ENO4: variants seen among roughly 807,000 people sequenced by gnomAD.
The protein encoded by ENO4 is 2-phospho-D-glycerate hydro-lyase.
ENO4 carries 53 observed loss-of-function variants against 63.2 expected under a neutral mutation model. That is an observed-to-expected ratio of 0.84 (90% CI 0.67 to 1.05). The LOEUF (loss-of-function observed/expected upper bound fraction) is 1.05, where lower values mean the gene tolerates loss of function less well. Among genes scored for constraint, ENO4 ranks in the 50% least tolerant of loss-of-function variants. The pLI is 0.00. For synonymous variants in ENO4, 266 were observed against 283.8 expected (o/e 0.94, Z 0.63); for missense variants, 719 against 772.0 (o/e 0.93, Z 0.81).
intron 10 of ENO4, among the ~76,000 whole-genome samples, chr10:116,890,750 G>A (rs1392190307): frequency 6.6e-6 from 1 of 152,222 alleles, no homozygotes; most frequent in Non-Finnish European, 1.5e-5. Context: ...GAGCAGGTGG[G>A]GCAACTTACT....
At position 116,860,797 on chromosome 10, in the gene ENO4, G is replaced by A. The variant is rs764723626; in HGVS notation, c.638G>A (p.Arg213Lys). The change falls in exon 5 of 14, where the codon AGG (arginine) becomes AAG (lysine). Residue 213 changes from arginine (R) to lysine (K), a missense_variant. Coordinates refer to ENST00000341276, the MANE Select transcript of ENO4 (RefSeq NM_001242699.2). Reference sequence around the variant, plus strand: ...CTCTCAATATTTCTCCCTCCAGGGAGGAAGGATACTATTACAGAGAAACCT... The same window carrying A: ...CTCTCAATATTTCTCCCTCCAGGGAAGAAGGATACTATTACAGAGAAACCT... ...PTKKKGQKPG[R>K]KDTITEKPIA... The A allele has an allele frequency of 6.7e-7, 1 of 1,488,036 alleles. No individual in the cohort carries two copies. Among genetic ancestry groups the A allele is most frequent in the South Asian group, 1.3e-5 (1 of 75,294 alleles). The allele number at this position is 1,488,036 out of a possible 1,614,324, so 92.2% of individuals were successfully genotyped here. A position where few individuals can be genotyped will look rare whatever the true frequency, so the allele number is the denominator to read the frequency against.
chr10:116,859,402 G>C (rs1380147075), intron 4 of ENO4, among the ~76,000 whole-genome samples: 1 of 151,942 alleles, frequency 6.6e-6, no homozygotes, highest in African/African-American at 2.4e-5. Flanking sequence ...TGCCAAATTG[G>C]GGGTAGAGTG....
At chr10:116,874,282 C>A in intron 10 of ENO4, 81 bp downstream of exon 10, 1 of 1,087,854 alleles carries the variant, frequency 9.2e-7, no homozygotes, top group Non-Finnish European at 1.3e-6. Flanking sequence ...TATTTTATAA[C>A]TCACCTTTTA....
At chr10:116,898,415 A>G (rs1011913930) in intron 10 of ENO4, among the ~76,000 whole-genome samples, 2 of 152,094 alleles carry the variant, frequency 1.3e-5, no homozygotes, top group African/African-American at 2.4e-5. Flanking sequence ...ATATCTTACT[A>G]TATTTTAACA....
intron 10 of ENO4, among the ~76,000 whole-genome samples, chr10:116,904,147 C>T (rs947837961): frequency 8.5e-5 from 13 of 152,278 alleles, no homozygotes; most frequent in South Asian, 4.1e-4. Flanking sequence ...TTTACTTTCC[C>T]AAAAGCCTTT....
chr10:116,865,378 G>C (rs531593498), intron 7 of ENO4, among the ~76,000 whole-genome samples: 4 of 152,086 alleles, frequency 2.6e-5, no homozygotes, highest in Admixed American at 6.5e-5. Flanking sequence ...GTAGAGACGG[G>C]GTTTCACTGT....
chr10:116,907,214 C>A (rs746801136), intron 10 of ENO4, among the ~76,000 whole-genome samples: 4 of 152,150 alleles, frequency 2.6e-5, no homozygotes, highest in Non-Finnish European at 2.9e-5. Context: ...TGGCTGCACA[C>A]CTGATGTCCG....
At chr10:116,906,485 T>C in intron 10 of ENO4, 7 of 730,028 alleles carry the variant, frequency 9.6e-6, no homozygotes, top group Non-Finnish European at 6.2e-6. Flanking sequence ...TAAATATCTT[T>C]ACCCATCCCA....
At position 116,879,412 on chromosome 10, in the gene ENO4, A is replaced by AT. The variant is rs1174311266; in HGVS notation, c.1605+57dup. 7 of 1,363,438 alleles carry AT rather than the reference A, an allele frequency of 5.1e-6. No individual in the cohort carries two copies. The African/African-American group carries it at 1.0e-4, about 20-fold the overall frequency. 84.5% of individuals were successfully genotyped at this position (1,363,438 alleles called of 1,614,324 possible). ...AACACTGCTTTTATCACGAATTGGT[A>AT]TTTCAGAGAAATGCAGTCTCTGGTG... On this transcript the variant is annotated intron_variant, in intron 12 of 13. Coordinates refer to ENST00000341276, the MANE Select transcript of ENO4 (RefSeq NM_001242699.2).
downstream of ENO4, chr10:116,911,882 CAGTTT>C: frequency 2.7e-6 from 4 of 1,469,764 alleles, no homozygotes; most frequent in Non-Finnish European, 3.8e-6. Flanking sequence ...CTGAGTAATT[CAGTTT>C]AAAAATACTA....
At chr10:116,853,045 C>T (rs1260104838) in intron 1 of ENO4, among the ~76,000 whole-genome samples, 1 of 152,096 alleles carries the variant, frequency 6.6e-6, no homozygotes, top group Non-Finnish European at 1.5e-5. Flanking sequence ...CCTGTAATCC[C>T]AGCACTTTGG....
At position 116,849,623 on chromosome 10, in the gene ENO4, G is replaced by A; in HGVS notation, c.57G>A (p.Leu19=). Residue 19 remains leucine, a synonymous_variant, in exon 1 of 14, where the codon CTG becomes CTA. Transcript: ENST00000341276. ...GGACCACTAGGGAGCTGCAGAAGCT[G>A]AAGCAGCAGGCGATGGAGTACTACC... is the stretch of plus-strand genomic sequence containing the variant. ...SCGTTRELQK[L]KQQAMEYYRE... is the part of the protein sequence containing the mutation. 3.2e-6 allele frequency: 5 copies of A among 1,550,264 alleles called. No individual in the cohort carries two copies. Among genetic ancestry groups the A allele is most frequent in the South Asian group, 1.2e-5 (1 of 84,030 alleles).
chr10:116,879,987 GTATGCGCTGCTTTCTTGCTTTGT>G lies in ENO4; in HGVS notation c.1723+3_1723+25del. The stretch of plus-strand genomic sequence containing the variant: ...GAACTTGTCCAGAATGGAACACTGG[GTATGCGCTGCTTTCTTGCTTTGT>G]TTCCACTTAGCCATGAATAAGAGAA... On this transcript the variant is annotated splice_donor_variant and splice_donor_5th_base_variant and intron_variant, in intron 13 of 13. Coordinates refer to ENST00000341276, the MANE Select transcript of ENO4 (RefSeq NM_001242699.2). LOFTEE classifies it high-confidence loss of function. 1 of 1,535,878 alleles carries G rather than the reference GTATGCGCTGCTTTCTTGCTTTGT, an allele frequency of 6.5e-7. No homozygotes were observed. Among genetic ancestry groups the G allele is most frequent in the Non-Finnish European group, 8.8e-7 (1 of 1,134,420 alleles).
At chr10:116,893,765 CTAAAT>C (rs1461091582) in intron 10 of ENO4, among the ~76,000 whole-genome samples, 1 of 152,122 alleles carries the variant, frequency 6.6e-6, no homozygotes, top group East Asian at 1.9e-4. Context: ...ATATGGCCAA[CTAAAT>C]TAATTTCCAG....
Position 116,874,130 on chromosome 10 carries a change from G to A in ENO4, c.1270G>A (p.Val424Ile). 1 of 1,550,066 alleles carries A rather than the reference G, an allele frequency of 6.5e-7. No homozygotes were observed. Among genetic ancestry groups the A allele is most frequent in the Admixed American group, 2.0e-5 (1 of 51,002 alleles). ...MGTYKNAAEMVDLYVDLINKY... is the reference protein window; with the variant it reads ...MGTYKNAAEMIDLYVDLINKY... ...CACATACAAAAATGCAGCGGAGATGGTTGACCTGTATGTGGATCTGATCAA... is the reference window on the plus strand; with the variant it reads ...CACATACAAAAATGCAGCGGAGATGATTGACCTGTATGTGGATCTGATCAA... Residue 424 changes from valine (V) to isoleucine (I), a missense_variant, in exon 10 of 14, where the codon GTT becomes ATT. Coordinates refer to ENST00000341276, the MANE Select transcript of ENO4 (RefSeq NM_001242699.2).
At chr10:116,861,248 T>G in intron 6 of ENO4, 58 bp downstream of exon 6, 1 of 407,352 alleles carries the variant, frequency 2.5e-6, no homozygotes, top group Non-Finnish European at 3.7e-6. Flanking sequence ...TATATATATA[T>G]ATATATATAC....
chr10:116,893,257 G>C (rs1847395756), intron 10 of ENO4, among the ~76,000 whole-genome samples: 1 of 151,956 alleles, frequency 6.6e-6, no homozygotes, highest in Non-Finnish European at 1.5e-5. Context: ...GAAGTGAAGG[G>C]ATCTCAACTT....
chr10:116,889,215 G>A (rs1847258209), intron 10 of ENO4, among the ~76,000 whole-genome samples: 1 of 152,166 alleles, frequency 6.6e-6, no homozygotes, highest in Non-Finnish European at 1.5e-5. Flanking sequence ...AAAATTTCCA[G>A]GAAGTGCTCT....
rs576825086 is a variant in ENO4, at chr10:116,868,403, C to T, written c.991-247C>T. Among the ~76,000 whole-genome samples, 6 of 152,284 alleles carry T rather than the reference C, an allele frequency of 3.9e-5. No homozygotes were observed. The South Asian group carries it at 1.2e-3, about 32-fold the overall frequency. On this transcript the variant is annotated intron_variant, in intron 7 of 13. Coordinates refer to ENST00000341276, the MANE Select transcript of ENO4 (RefSeq NM_001242699.2). ...CTGTACACACACCCCATATATGTGA[C>T]TGGGGGCAGAGGGTAAGGATGAACT...
Sources: gnomAD v4.1 joint callset for allele counts (sites outside exome capture counted in the v4.1 genomes callset) on GRCh38, gnomAD v4.1.1 for gene constraint, MANE v1.5 for transcripts, NCBI Gene and HGNC (gene_info 2026-07-23, HGNC 2026-07-21) for gene names.